MRTFA: variants seen among roughly 807,000 people sequenced by gnomAD.
The protein encoded by MRTFA is myocardin-related transcription factor A.
In MRTFA, 20 loss-of-function variants were observed where a neutral mutation model predicts 83.5. The ratio of observed to expected loss-of-function variants is 0.24; its 90% confidence interval spans 0.17 to 0.35. The LOEUF (loss-of-function observed/expected upper bound fraction) is 0.35, where lower values mean the gene tolerates loss of function less well. Among genes scored for constraint, MRTFA ranks in the 10% least tolerant of loss-of-function variants. The probability of loss-of-function intolerance (pLI) is 1.00; values close to 1 mark genes in which losing one functional copy is unlikely to be tolerated. For missense variants in MRTFA, 1,200 were observed against 1,224.7 expected, an observed-to-expected ratio of 0.98 and a Z score of 0.30; for synonymous variants, 659 against 541.2, an observed-to-expected ratio of 1.22 and a Z score of -3.02.
chr22:40,590,149 G>C (rs538877115), intron 2 of MRTFA, among the ~76,000 whole-genome samples: 1 of 152,160 alleles, frequency 6.6e-6, no homozygotes, highest in South Asian at 2.1e-4. Flanking sequence ...TGTTAGCCAG[G>C]TTAGTTTGTT....
rs2056274066 is a variant in MRTFA, at chr22:40,602,675, C to CT, written c.-83-7941dup. 2.1e-5 allele frequency among the ~76,000 whole-genome samples: 3 copies of CT among 145,008 alleles called. No homozygotes were observed. In the South Asian group the frequency reaches 6.5e-4, roughly 31 times the overall value. On this transcript the variant is annotated intron_variant, in intron 1 of 14. Transcript: ENST00000355630. ...CCAACATGGTGAAACCCCATCTCCA[C>CT]TTAAAAAAAAAAAAAAAAAAAATTA...
chr22:40,545,027 T>C (rs1357469819), intron 3 of MRTFA, among the ~76,000 whole-genome samples: 1 of 151,126 alleles, frequency 6.6e-6, no homozygotes, highest in Non-Finnish European at 1.5e-5. Context: ...ATACATAAAA[T>C]CATTGGTATA....
chr22:40,476,887 G>A lies in MRTFA; in HGVS notation c.242-13601C>T, dbSNP rs151297862. Among the ~76,000 whole-genome samples, 697 of 152,228 alleles carry A rather than the reference G, an allele frequency of 4.6e-3. 6 individuals are homozygous for A. The highest frequency in any genetic ancestry group is 0.016 in the African/African-American group (658 of 41,544). On this transcript the variant is annotated intron_variant, in intron 3 of 14. Transcript: ENST00000355630. Reference sequence around the variant, plus strand: ...TGTTTTTAATATAAACAAAAGCATTGTAAAGGCCCAATGTATTTTATAATT... The same window carrying A: ...TGTTTTTAATATAAACAAAAGCATTATAAAGGCCCAATGTATTTTATAATT...
intron 3 of MRTFA, among the ~76,000 whole-genome samples, chr22:40,520,300 T>A (rs1388344510): frequency 6.6e-6 from 1 of 152,222 alleles, no homozygotes; most frequent in African/African-American, 2.4e-5. Context: ...CCTGTATCCA[T>A]CAGCAGTCAC....
rs1175701513 is a variant in MRTFA, at chr22:40,411,753, A to T, written c.2733T>A (p.Pro911=). 6.5e-7 allele frequency: 1 copy of T among 1,542,966 alleles called. No individual in the cohort carries two copies. Among genetic ancestry groups the T allele is most frequent in the South Asian group, 1.2e-5 (1 of 81,026 alleles). Residue 911 remains proline, a synonymous_variant, in exon 15 of 15, where the codon CCT becomes CCA. Transcript: ENST00000355630. ...TCTCCAGGAAGTCCTCCAGGCGTCC[A>T]GGGAGGGAGGGTGAGCCTGGAGGAG...
At chr22:40,555,574 T>C (rs2055508516) in intron 2 of MRTFA, among the ~76,000 whole-genome samples, 1 of 149,724 alleles carries the variant, frequency 6.7e-6, no homozygotes, top group Admixed American at 6.7e-5. Context: ...ACCTCATAAA[T>C]TAAAAAAAAT....
chr22:40,604,593 A>G (rs1192910114), intron 1 of MRTFA, among the ~76,000 whole-genome samples: 1 of 151,956 alleles, frequency 6.6e-6, no homozygotes, highest in Non-Finnish European at 1.5e-5. Flanking sequence ...CTAAAAATAC[A>G]AAAATTAGCC....
rs530142977 is a variant in MRTFA, at chr22:40,423,745, G to A, written c.778-60C>T. On this transcript the variant is annotated intron_variant, in intron 8 of 14. Transcript: ENST00000355630. Reference sequence around the variant, plus strand: ...CCTCCAGGTAGGGTGTGCCCAGCCTGCCCTGACCCTACACAGGGTCCTCAG... The same window carrying A: ...CCTCCAGGTAGGGTGTGCCCAGCCTACCCTGACCCTACACAGGGTCCTCAG... 4.2e-6 allele frequency: 6 copies of A among 1,425,374 alleles called. No individual in the cohort carries two copies. The South Asian group carries it at 6.0e-5, about 14-fold the overall frequency. 88.3% of individuals were successfully genotyped at this position (1,425,374 alleles called of 1,614,324 possible). A position where few individuals can be genotyped will look rare whatever the true frequency, so the allele number is the denominator to read the frequency against.
At chr22:40,583,044 C>A (rs1417308888) in intron 2 of MRTFA, among the ~76,000 whole-genome samples, 1 of 151,994 alleles carries the variant, frequency 6.6e-6, no homozygotes, top group Non-Finnish European at 1.5e-5. Flanking sequence ...AGTAAAAAGT[C>A]TTTAACAAAT....
At chr22:40,633,308 C>A (rs1300152539) in intron 1 of MRTFA, among the ~76,000 whole-genome samples, 4 of 152,282 alleles carry the variant, frequency 2.6e-5, no homozygotes, top group Admixed American at 2.0e-4. Context: ...CCTGCTATGT[C>A]CCAAGAACTG....
At chr22:40,440,011 G>C in intron 4 of MRTFA, 1 of 157,008 alleles carries the variant, frequency 6.4e-6, no homozygotes. Flanking sequence ...AATTAGCTGG[G>C]TGTGGTGGCG....
intron 4 of MRTFA, among the ~76,000 whole-genome samples, chr22:40,459,191 G>C (rs896979798): frequency 6.1e-5 from 9 of 147,742 alleles, no homozygotes; most frequent in African/African-American, 2.3e-4. Flanking sequence ...GGAGTCGGGG[G>C]ACACAGGGTA....
At chr22:40,623,144 G>A (rs1238690235) in intron 1 of MRTFA, among the ~76,000 whole-genome samples, 1 of 152,156 alleles carries the variant, frequency 6.6e-6, no homozygotes, top group Non-Finnish European at 1.5e-5. Context: ...GAGAGAGTTA[G>A]AAAGTCCAGA....
intron 3 of MRTFA, among the ~76,000 whole-genome samples, chr22:40,512,522 T>C (rs954856633): frequency 2.8e-4 from 42 of 152,296 alleles, no homozygotes; most frequent in Non-Finnish European, 1.6e-4. Context: ...ATTCCTCAAG[T>C]GGAAGAAAGG....
rs2147115054 is a variant in MRTFA, at chr22:40,443,605, G to A, written c.308-8051C>T. Among the ~76,000 whole-genome samples, 2 of 152,094 alleles carry A rather than the reference G, an allele frequency of 1.3e-5. 1 individual carries two copies. Among genetic ancestry groups the A allele is most frequent in the Middle Eastern group, 6.8e-3 (2 of 294 alleles). On this transcript the variant is annotated intron_variant, in intron 4 of 14. Coordinates refer to ENST00000355630, the MANE Select transcript of MRTFA (RefSeq NM_020831.6). ...TCTCTCTAGCCAAAGGATTAGGAAA[G>A]GGCAGCCCAGCACAACAGAAAACTT... is the stretch of plus-strand genomic sequence containing the variant.
intron 2 of MRTFA, among the ~76,000 whole-genome samples, chr22:40,556,853 T>TA (rs984057190): frequency 8.6e-5 from 13 of 152,022 alleles, no homozygotes; most frequent in African/African-American, 2.4e-4. Flanking sequence ...CCTTTCAGAC[T>TA]AAAAAAAAGA....
intron 3 of MRTFA, among the ~76,000 whole-genome samples, chr22:40,549,789 C>T (rs1271090339): frequency 1.3e-5 from 2 of 152,124 alleles, no homozygotes; most frequent in African/African-American, 2.4e-5. Flanking sequence ...TGGTGGCTCA[C>T]GCCTATAATC....
chr22:40,583,915 A>G (rs191328380), intron 2 of MRTFA, among the ~76,000 whole-genome samples: 1 of 152,310 alleles, frequency 6.6e-6, no homozygotes, highest in East Asian at 1.9e-4. Flanking sequence ...GTTCACAGAA[A>G]GTGCACAGGA....
At chr22:40,477,962 A>G (rs1374916222) in intron 3 of MRTFA, among the ~76,000 whole-genome samples, 1 of 152,132 alleles carries the variant, frequency 6.6e-6, no homozygotes, top group Non-Finnish European at 1.5e-5. Context: ...CAGAAGAATC[A>G]GTACCCATTC....
Sources: allele counts gnomAD v4.1 joint callset (sites outside exome capture counted in the v4.1 genomes callset), GRCh38; gene constraint gnomAD v4.1.1; transcripts MANE v1.5; gene names NCBI Gene and HGNC (gene_info 2026-07-23, HGNC 2026-07-21).